The following ATP11B variants were observed in gnomAD, a reference collection of about 807,000 sequenced individuals.
ATP11B encodes the protein ATPase phospholipid transporting 11B (putative), also known as phospholipid-transporting ATPase IF.
ATP11B carries 81 observed loss-of-function variants against 157.8 expected under a neutral mutation model. The observed-to-expected ratio is 0.51, with a 90% confidence interval of 0.43 to 0.62. The LOEUF (loss-of-function observed/expected upper bound fraction) is 0.62, where lower values mean the gene tolerates loss of function less well. ATP11B is among the 20% of genes least tolerant of loss of function. The pLI, the probability that ATP11B is intolerant of heterozygous loss-of-function variation, is 0.00. For missense variants in ATP11B, 1,165 were observed against 1,402.2 expected, an observed-to-expected ratio of 0.83 and a Z score of 2.70; for synonymous variants, 451 against 469.4, an observed-to-expected ratio of 0.96 and a Z score of 0.51.
At position 182,894,731 on chromosome 3, in the gene ATP11B, G is replaced by A. The variant is rs150796771; in HGVS notation, c.2983-1969G>A. On this transcript the variant is annotated intron_variant, in intron 25 of 29. Transcript: ENST00000323116. ...TAAATCCTCCTCTAAGGAAAATACC[G>A]TGTAACATACCCCAGTCTAGGCCCA... Among the ~76,000 whole-genome samples, 796 of 152,160 alleles carry A rather than the reference G, an allele frequency of 5.2e-3. 4 individuals carry two copies. The highest frequency in any genetic ancestry group is 8.4e-3 in the Non-Finnish European group (569 of 68,004).
chr3:182,888,360 A>G (rs749865447), intron 24 of ATP11B, among the ~76,000 whole-genome samples: 2 of 152,212 alleles, frequency 1.3e-5, no homozygotes, highest in Admixed American at 1.3e-4. Flanking sequence ...CATAATAGCT[A>G]TTATTAGAAG....
intron 14 of ATP11B, 60 bp from the exon 15 acceptor site, chr3:182,867,316 C>A: frequency 1.1e-6 from 1 of 945,752 alleles, no homozygotes; most frequent in Non-Finnish European, 1.7e-6. Context: ...GCTATAGTGA[C>A]ATTGTGAAAT....
intron 19 of ATP11B, among the ~76,000 whole-genome samples, chr3:182,876,888 T>C (rs1250118384): frequency 2.0e-5 from 3 of 152,236 alleles, no homozygotes; most frequent in African/African-American, 7.2e-5. Context: ...TGTTATATTT[T>C]AGAGGTATCT....
At chr3:182,884,305 A>G (rs903237960) in intron 21 of ATP11B, among the ~76,000 whole-genome samples, 11 of 152,096 alleles carry the variant, frequency 7.2e-5, no homozygotes, top group South Asian at 2.1e-4. Flanking sequence ...TGACTTATTC[A>G]TGGAAGTGTT....
In ATP11B at chr3:182,920,578, A is replaced by G. The variant is rs563942007; in HGVS notation, c.*2474A>G. 2 of 152,246 alleles carry G rather than the reference A, an allele frequency of 1.3e-5. No homozygotes were observed. The highest frequency in any genetic ancestry group is 1.3e-4 in the Admixed American group (2 of 15,288). The allele number at this position is 152,246 out of a possible 1,614,324, so 9.4% of individuals were successfully genotyped here. On this transcript the variant is annotated 3_prime_UTR_variant, in exon 30 of 30. Transcript: ENST00000323116. ...TGCCAAAACCAGAGCAAAATGCTAAATACGTTATTGCTAATCAGTGGTCTC... is the reference window on the plus strand; with the variant it reads ...TGCCAAAACCAGAGCAAAATGCTAAGTACGTTATTGCTAATCAGTGGTCTC...
At chr3:182,854,370 T>C (rs1387770745) in intron 10 of ATP11B, among the ~76,000 whole-genome samples, 1 of 152,106 alleles carries the variant, frequency 6.6e-6, no homozygotes, top group Non-Finnish European at 1.5e-5. Flanking sequence ...CTTGGGAGGC[T>C]GAGGCAGGAG....
At chr3:182,911,374 T>G (rs1724782992) in intron 28 of ATP11B, among the ~76,000 whole-genome samples, 1 of 149,936 alleles carries the variant, frequency 6.7e-6, no homozygotes, top group Admixed American at 6.7e-5. Flanking sequence ...GGGTTTGAGC[T>G]TTCCCTCCTG....
intron 14 of ATP11B, among the ~76,000 whole-genome samples, chr3:182,866,903 T>G (rs1387945514): frequency 6.8e-6 from 1 of 146,146 alleles, no homozygotes; most frequent in African/African-American, 2.5e-5. Context: ...AAAAAGAATA[T>G]ATAAGAATAT....
At chr3:182,915,828 T>C (rs1725104553) in intron 29 of ATP11B, 1 of 976,012 alleles carries the variant, frequency 1.0e-6, no homozygotes, top group South Asian at 4.7e-5. Context: ...CATCTATACT[T>C]CTTTTCACTT....
rs755654195 is a variant in ATP11B, at chr3:182,918,057, G to A, written c.3487G>A (p.Asp1163Asn). 3.1e-5 allele frequency: 50 copies of A among 1,613,000 alleles called. No homozygotes were observed. Among genetic ancestry groups the A allele is most frequent in the Non-Finnish European group, 4.2e-5 (49 of 1,179,418 alleles). Residue 1163 changes from aspartate to asparagine, a missense_variant, in exon 30 of 30, where the codon GAC (aspartate) becomes AAC (asparagine). This residue lies in a region of ATP11B where 303 missense variants were observed against 296.3 expected (regional missense o/e 1.02). Coordinates refer to ENST00000323116, the MANE Select transcript of ATP11B (RefSeq NM_014616.3). ...WSASDPFYTN[D>N]RSILTLSTMD... ...TGCATCGGATCCTTTCTATACCAACGACAGGAGCATCTTGACTCTCTCCAC... is the reference window on the plus strand; with the variant it reads ...TGCATCGGATCCTTTCTATACCAACAACAGGAGCATCTTGACTCTCTCCAC...
chr3:182,839,877 T>A (rs2108513645), intron 7 of ATP11B, among the ~76,000 whole-genome samples: 1 of 152,364 alleles, frequency 6.6e-6, no homozygotes, highest in African/African-American at 2.4e-5. Context: ...CCTCCCAAAG[T>A]GCTGGGATTA....
At chr3:182,908,170 C>G (rs1577114075) in intron 28 of ATP11B, among the ~76,000 whole-genome samples, 2 of 143,666 alleles carry the variant, frequency 1.4e-5, no homozygotes, top group Non-Finnish European at 3.0e-5. Context: ...TTTACCGAAT[C>G]AATATAATTC....
intron 10 of ATP11B, among the ~76,000 whole-genome samples, chr3:182,856,771 T>C (rs549274005): frequency 6.6e-6 from 1 of 152,144 alleles, no homozygotes; most frequent in Admixed American, 6.5e-5. Context: ...GCTTACTCCA[T>C]AGTTAAGATT....
chr3:182,887,143 C>G (rs1412411969), intron 23 of ATP11B, among the ~76,000 whole-genome samples: 2 of 152,106 alleles, frequency 1.3e-5, no homozygotes, highest in Non-Finnish European at 2.9e-5. Flanking sequence ...TGCAGAGTTT[C>G]ATGGAAGAAG....
At chr3:182,838,106 G>A (rs774095158) in intron 7 of ATP11B, among the ~76,000 whole-genome samples, 9 of 151,308 alleles carry the variant, frequency 5.9e-5, no homozygotes, top group Non-Finnish European at 1.3e-4. Context: ...TCTTTTTTTT[G>A]GATCCATCTT....
intron 28 of ATP11B, among the ~76,000 whole-genome samples, chr3:182,901,773 A>G (rs970696617): frequency 6.6e-6 from 1 of 152,250 alleles, no homozygotes; most frequent in Admixed American, 6.5e-5. Flanking sequence ...AAGGTAGGCC[A>G]TTAGACAAGT....
At position 182,811,873 on chromosome 3, in the gene ATP11B, A is replaced by G. The variant is rs1576956935; in HGVS notation, c.28-8387A>G. Among the ~76,000 whole-genome samples the G allele has an allele frequency of 3.9e-5, 6 of 152,328 alleles. No individual in the cohort carries two copies. The South Asian group carries it at 1.2e-3, about 32-fold the overall frequency. Reference sequence around the variant, plus strand: ...TGGCAAGATGAAAAGTAGGACAACTAGATTGTGGTGAGACTGGTACAAAGT... The same window carrying G: ...TGGCAAGATGAAAAGTAGGACAACTGGATTGTGGTGAGACTGGTACAAAGT... On this transcript the variant is annotated intron_variant, in intron 1 of 29. Transcript: ENST00000323116.
At chr3:182,849,152 C>T (rs1177479195) in intron 10 of ATP11B, among the ~76,000 whole-genome samples, 4 of 152,204 alleles carry the variant, frequency 2.6e-5, no homozygotes, top group African/African-American at 9.7e-5. Context: ...GGAATTAACT[C>T]TAAAAACTGC....
intron 7 of ATP11B, among the ~76,000 whole-genome samples, chr3:182,841,021 T>A (rs1718971167): frequency 6.6e-6 from 1 of 152,070 alleles, no homozygotes; most frequent in African/African-American, 2.4e-5. Context: ...CTGCCCTGTT[T>A]GCTGTCCTTC....
Sources: allele counts gnomAD v4.1 joint callset (sites outside exome capture counted in the v4.1 genomes callset), GRCh38; gene constraint gnomAD v4.1.1; regional missense constraint gnomAD v4.1.1; transcripts MANE v1.5; gene names NCBI Gene and HGNC (gene_info 2026-07-23, HGNC 2026-07-21).